TEX9: variants seen among roughly 807,000 people sequenced by gnomAD.
TEX9 encodes the protein testis-expressed protein 9.
In TEX9, 74 loss-of-function variants were observed where a neutral mutation model predicts 59.6. The ratio of observed to expected loss-of-function variants is 1.24; its 90% confidence interval spans 1.03 to 1.51. TEX9 has a LOEUF of 1.51. TEX9 is among the 40% of genes most tolerant of loss of function. TEX9 has a pLI of 0.00. For missense variants in TEX9, 522 were observed against 447.8 expected (o/e 1.17, Z -1.49); for synonymous variants, 186 against 152.2 (o/e 1.22, Z -1.64).
the TEX9 span, among the ~76,000 whole-genome samples, chr15:56,454,406 C>CTATAT: frequency 6.6e-6 from 1 of 152,066 alleles, no homozygotes; most frequent in Non-Finnish European, 1.5e-5. Flanking sequence ...TTATTATTGA[C>CTATAT]TATAGTCACC....
chr15:56,378,852 A>T (rs2047583305), intron 3 of TEX9, among the ~76,000 whole-genome samples: 1 of 151,842 alleles, frequency 6.6e-6, no homozygotes. Flanking sequence ...ACTCACTTGA[A>T]CCCAGAAGTT....
At chr15:56,283,436 A>G (rs563194925) in intron 1 of TEX9, among the ~76,000 whole-genome samples, 1 of 152,228 alleles carries the variant, frequency 6.6e-6, no homozygotes, top group South Asian at 2.1e-4. Context: ...CTTTTGGTGC[A>G]AGATAGTCCT....
intron 12 of TEX9, among the ~76,000 whole-genome samples, chr15:56,430,552 A>G (rs2050560503): frequency 6.6e-6 from 1 of 152,182 alleles, no homozygotes; most frequent in African/African-American, 2.4e-5. Flanking sequence ...GTATACATTA[A>G]AATTCACTAT....
At chr15:56,292,936 G>A (rs994992325) in intron 1 of TEX9, among the ~76,000 whole-genome samples, 1 of 152,106 alleles carries the variant, frequency 6.6e-6, no homozygotes, top group African/African-American at 2.4e-5. Flanking sequence ...ATGCTATCCT[G>A]CTTCCCTCAT....
At chr15:56,314,605 G>C (rs1365338666) in intron 1 of TEX9, among the ~76,000 whole-genome samples, 3 of 151,928 alleles carry the variant, frequency 2.0e-5, no homozygotes, top group African/African-American at 7.3e-5. Context: ...ATGGTGTGGT[G>C]CTGAAAAAAA....
At chr15:56,379,031 T>G (rs1161852772) in intron 3 of TEX9, among the ~76,000 whole-genome samples, 2 of 133,062 alleles carry the variant, frequency 1.5e-5, no homozygotes, top group Admixed American at 1.7e-4. Flanking sequence ...GCCACTGCAC[T>G]ACAGCCTGGG....
At chr15:56,247,540 G>A (rs1392636492) in intron 1 of TEX9, among the ~76,000 whole-genome samples, 1 of 152,112 alleles carries the variant, frequency 6.6e-6, no homozygotes, top group African/African-American at 2.4e-5. Flanking sequence ...GCCATGAAAG[G>A]GTACTGTTTG....
chr15:56,335,305 A>G (rs1238863296), intron 1 of TEX9, among the ~76,000 whole-genome samples: 1 of 152,206 alleles, frequency 6.6e-6, no homozygotes, highest in African/African-American at 2.4e-5. Flanking sequence ...ACAATGGAGC[A>G]CTATTCAGCC....
intron 9 of TEX9, chr15:56,398,064 T>C (rs1260963054): frequency 6.6e-6 from 1 of 152,224 alleles, no homozygotes; most frequent in African/African-American, 2.4e-5. Flanking sequence ...TTCAGTTTGT[T>C]TCCCCACTCA....
rs189735405 is a variant in TEX9 at position 56,410,473 on chromosome 15, T to A, written c.829-1829T>A. On this transcript the variant is annotated intron_variant, in intron 9 of 12. Transcript: ENST00000352903. ...ATTTGATTTTCTTAGGTTTTTTTTTTAAAAAAAAACTAATGTGCAACTCAG... is the reference window on the plus strand; with the variant it reads ...ATTTGATTTTCTTAGGTTTTTTTTTAAAAAAAAAACTAATGTGCAACTCAG... 6.7e-3 allele frequency among the ~76,000 whole-genome samples: 1,019 copies of A among 151,274 alleles called. 16 individuals carry two copies. The highest frequency in any genetic ancestry group is 0.062 in the East Asian group (320 of 5,154).
intron 1 of TEX9, among the ~76,000 whole-genome samples, chr15:56,285,471 T>C (rs973969405): frequency 3.9e-5 from 6 of 152,142 alleles, no homozygotes; most frequent in African/African-American, 1.4e-4. Flanking sequence ...TAAACTCTCC[T>C]CCCATTTGGG....
At chr15:56,302,977 A>G (rs1435249146) in intron 1 of TEX9, among the ~76,000 whole-genome samples, 1 of 152,232 alleles carries the variant, frequency 6.6e-6, no homozygotes, top group Non-Finnish European at 1.5e-5. Flanking sequence ...TCATTGTATA[A>G]TTATAAAGGG....
intron 1 of TEX9, among the ~76,000 whole-genome samples, chr15:56,288,760 T>C (rs1365188366): frequency 1.3e-5 from 2 of 152,202 alleles, no homozygotes; most frequent in African/African-American, 4.8e-5. Context: ...AACTTTTCCA[T>C]ACCTGCATAT....
chr15:56,445,486 G>A (rs1219151132), intron 12 of TEX9, among the ~76,000 whole-genome samples: 3 of 151,988 alleles, frequency 2.0e-5, no homozygotes, highest in Admixed American at 2.0e-4. Context: ...TATGAATACT[G>A]AATGTCATTC....
At chr15:56,333,537 G>A (rs561008763) in intron 1 of TEX9, among the ~76,000 whole-genome samples, 2 of 146,200 alleles carry the variant, frequency 1.4e-5, no homozygotes, top group Admixed American at 6.8e-5. Flanking sequence ...CACAATAAAA[G>A]CCATAGATGA....
At chr15:56,427,869 T>G (rs2050387969) in intron 11 of TEX9, 130 bp downstream of exon 11, 1 of 615,388 alleles carries the variant, frequency 1.6e-6, no homozygotes. Flanking sequence ...GCATCATACA[T>G]ATGAAATCAT....
chr15:56,344,429 G>C (rs2046427749), intron 1 of TEX9, among the ~76,000 whole-genome samples: 1 of 152,158 alleles, frequency 6.6e-6, no homozygotes, highest in African/African-American at 2.4e-5. Flanking sequence ...GGACTATGTT[G>C]TGTAATTCCA....
intron 1 of TEX9, among the ~76,000 whole-genome samples, chr15:56,325,109 G>A (rs1222514816): frequency 6.6e-6 from 1 of 152,168 alleles, no homozygotes; most frequent in African/African-American, 2.4e-5. Context: ...TTGGTTCCTT[G>A]GTAGATGAGT....
At chr15:56,372,958 G>A (rs2047256759) in intron 2 of TEX9, among the ~76,000 whole-genome samples, 1 of 152,104 alleles carries the variant, frequency 6.6e-6, no homozygotes, top group African/African-American at 2.4e-5. Context: ...TGTGAGCCAC[G>A]TTGGGTCTGC....
Sources: gnomAD v4.1 joint callset for allele counts (sites outside exome capture counted in the v4.1 genomes callset) on GRCh38, gnomAD v4.1.1 for gene constraint, MANE v1.5 for transcripts, NCBI Gene and HGNC (gene_info 2026-07-23, HGNC 2026-07-21) for gene names.